The following KCNJ12 variants were observed in gnomAD, a reference collection of about 807,000 sequenced individuals.
KCNJ12 encodes the protein ATP-sensitive inward rectifier potassium channel 12.
Under a neutral mutation model 22.3 loss-of-function variants are expected in KCNJ12, and 2 were observed. That is an observed-to-expected ratio of 0.09 (90% CI 0.04 to 0.28). The LOEUF is 0.28. Ranked by LOEUF, KCNJ12 falls within the 10% of genes least tolerant of loss-of-function variation. KCNJ12 has a pLI of 1.00. For synonymous variants in KCNJ12, 117 were observed against 261.4 expected, an observed-to-expected ratio of 0.45 and a Z score of 5.33; for missense variants, 155 against 633.3, an observed-to-expected ratio of 0.24 and a Z score of 8.11.
At chr17:21,380,300 G>A (rs549464002) in intron 1 of KCNJ12, among the ~76,000 whole-genome samples, 10 of 152,322 alleles carry the variant, frequency 6.6e-5, no homozygotes, top group African/African-American at 2.4e-4. Context: ...AGCTGTGGGG[G>A]CTGAGTTCTG....
chr17:21,409,944 A>T (rs1906222978), intron 2 of KCNJ12, among the ~76,000 whole-genome samples: 1 of 152,040 alleles, frequency 6.6e-6, no homozygotes. Context: ...TCTGGTGGGG[A>T]GGTTTGGCCT....
intron 1 of KCNJ12, among the ~76,000 whole-genome samples, chr17:21,394,067 C>G (rs1905273313): frequency 6.6e-6 from 1 of 152,188 alleles, no homozygotes; most frequent in African/African-American, 2.4e-5. Context: ...GGCTACCTCC[C>G]TTGGCCTCAG....
intron 1 of KCNJ12, among the ~76,000 whole-genome samples, chr17:21,394,024 C>T (rs77089599): frequency 0.028 from 4,268 of 152,276 alleles, 195 homozygotes; most frequent in African/African-American, 0.097. Flanking sequence ...GGGGTTTGGT[C>T]TAGGCTGTGG....
intron 1 of KCNJ12, among the ~76,000 whole-genome samples, chr17:21,399,707 T>TCA (rs2142060647): frequency 6.6e-6 from 1 of 152,124 alleles, no homozygotes; most frequent in Admixed American, 6.5e-5. Context: ...GACTGTGGTG[T>TCA]CTCCTAGAGA....
At chr17:21,413,116 C>G (rs1358770243) in intron 2 of KCNJ12, among the ~76,000 whole-genome samples, 1 of 134,408 alleles carries the variant, frequency 7.4e-6, no homozygotes, top group African/African-American at 2.5e-5. Context: ...TCACCTGTTG[C>G]TCAGGTGTTT....
At chr17:21,393,030 T>C (rs1555559492) in intron 1 of KCNJ12, among the ~76,000 whole-genome samples, 2 of 152,164 alleles carry the variant, frequency 1.3e-5, no homozygotes, top group African/African-American at 4.8e-5. Context: ...CCCTACTCTC[T>C]GGGGAGGGGC....
At chr17:21,397,532 A>C (rs1190221397) in intron 1 of KCNJ12, among the ~76,000 whole-genome samples, 1 of 152,250 alleles carries the variant, frequency 6.6e-6, no homozygotes, top group Admixed American at 6.5e-5. Context: ...GCAGAGGCTG[A>C]TGAGCTGGCC....
At chr17:21,404,971 C>T (rs1486831575) in intron 1 of KCNJ12, among the ~76,000 whole-genome samples, 97 of 152,396 alleles carry the variant, frequency 6.4e-4, no homozygotes, top group African/African-American at 2.1e-3. Context: ...CCCATCTTTA[C>T]GCCACGGAAT....
At position 21,384,057 on chromosome 17, in the gene KCNJ12, CT is replaced by C. The variant is rs570709391; in HGVS notation, c.-179+7146del. On this transcript the variant is annotated intron_variant, in intron 1 of 2. Coordinates refer to ENST00000583088, the MANE Select transcript of KCNJ12 (RefSeq NM_021012.5). ...CTTGGGGTGACCATCATTAGAGAGG[CT>C]TCTGGGTTTCTCAGTGCTTATGCAG... Among the ~76,000 whole-genome samples the C allele has an allele frequency of 4.6e-5, 7 of 152,230 alleles. No individual in the cohort carries two copies. The South Asian group carries it at 1.5e-3, about 32-fold the overall frequency.
At chr17:21,403,068 C>G (rs1259983655) in intron 1 of KCNJ12, among the ~76,000 whole-genome samples, 1 of 152,310 alleles carries the variant, frequency 6.6e-6, no homozygotes, top group Non-Finnish European at 1.5e-5. Context: ...GCTAGGAGTA[C>G]TCACGGAGGA....
intron 1 of KCNJ12, chr17:21,405,054 C>T (rs1336751291): frequency 2.0e-5 from 3 of 152,856 alleles, no homozygotes; most frequent in Non-Finnish European, 4.4e-5. Context: ...CGGGCGCATC[C>T]CGAGCATGGA....
chr17:21,383,454 G>C (rs551548056), intron 1 of KCNJ12, among the ~76,000 whole-genome samples: 3 of 152,218 alleles, frequency 2.0e-5, no homozygotes, highest in Non-Finnish European at 4.4e-5. Flanking sequence ...GCGGGTCCTG[G>C]CATGATCACA....
chr17:21,407,723 C>G (rs1479959425), intron 1 of KCNJ12, among the ~76,000 whole-genome samples: 2 of 152,332 alleles, frequency 1.3e-5, no homozygotes, highest in Non-Finnish European at 2.9e-5. Context: ...ACTTATCCAT[C>G]CATCTATCCA....
chr17:21,404,854 G>A (rs1441600041), intron 1 of KCNJ12, among the ~76,000 whole-genome samples: 1 of 152,262 alleles, frequency 6.6e-6, no homozygotes, highest in Non-Finnish European at 1.5e-5. Context: ...CGTCCACTCT[G>A]TGGGGCCAGA....
intron 2 of KCNJ12, among the ~76,000 whole-genome samples, chr17:21,411,510 C>G (rs1906347922): frequency 6.6e-6 from 1 of 152,312 alleles, no homozygotes; most frequent in South Asian, 2.1e-4. Flanking sequence ...TCCCATTCCC[C>G]TCCCGGCGAC....
Position 21,391,046 on chromosome 17 carries a change from C to T in KCNJ12, c.-179+14133C>T, listed in dbSNP as rs563764812. Reference sequence around the variant, plus strand: ...CTTCCTAATCTGGATGTCGTGTGTGCGTGGGGCCCTGCACGGGTAGCCTTC... The same window carrying T: ...CTTCCTAATCTGGATGTCGTGTGTGTGTGGGGCCCTGCACGGGTAGCCTTC... On this transcript the variant is annotated intron_variant, in intron 1 of 2. Transcript: ENST00000583088. Among the ~76,000 whole-genome samples the T allele has an allele frequency of 6.8e-4, 104 of 152,272 alleles. 2 individuals carry two copies. The highest frequency in any genetic ancestry group is 1.3e-3 in the Non-Finnish European group (86 of 68,018).
At chr17:21,391,378 A>C (rs993295731) in intron 1 of KCNJ12, among the ~76,000 whole-genome samples, 12 of 152,164 alleles carry the variant, frequency 7.9e-5, no homozygotes, top group African/African-American at 2.7e-4. Flanking sequence ...CTCTGACTCC[A>C]GGGCACCCTT....
chr17:21,384,783 T>G (rs1555558454), intron 1 of KCNJ12, among the ~76,000 whole-genome samples: 2 of 150,268 alleles, frequency 1.3e-5, no homozygotes, highest in South Asian at 2.1e-4. Context: ...TTTTTTTTTT[T>G]TTGTTTTGAG....
At chr17:21,412,781 G>T (rs1403100185) in intron 2 of KCNJ12, among the ~76,000 whole-genome samples, 15 of 152,292 alleles carry the variant, frequency 9.8e-5, no homozygotes, top group African/African-American at 3.4e-4. Context: ...AGGCATCCCT[G>T]CAGAGCTTGG....
Sources: allele counts gnomAD v4.1 joint callset (sites outside exome capture counted in the v4.1 genomes callset), GRCh38; gene constraint gnomAD v4.1.1; transcripts MANE v1.5; gene names NCBI Gene and HGNC (gene_info 2026-07-23, HGNC 2026-07-21).